Variants in YKT6 observed in about 807,000 individuals in gnomAD.
The protein encoded by YKT6 is YKT6 vesicular SNARE protein.
A neutral mutation model predicts 29.3 loss-of-function variants in YKT6; 12 were observed. That is an observed-to-expected ratio of 0.41 (90% CI 0.26 to 0.66). YKT6 has a LOEUF of 0.66. Among genes scored for constraint, YKT6 ranks in the 30% least tolerant of loss-of-function variants. YKT6 has a pLI of 0.32. For missense variants in YKT6, 188 were observed against 243.8 expected, an observed-to-expected ratio of 0.77 and a Z score of 1.52; for synonymous variants, 86 against 94.3, an observed-to-expected ratio of 0.91 and a Z score of 0.51.
chr7:44,211,549 G>A, intron 6 of YKT6: 1 of 1,012,634 alleles, frequency 9.9e-7, no homozygotes, highest in South Asian at 4.1e-5. Context: ...ATTTCCCTTT[G>A]ACAGAAAATA....
chr7:44,209,128 T>C lies in YKT6; in HGVS notation c.459+930T>C, dbSNP rs898646360. Among the ~76,000 whole-genome samples, 120 of 152,350 alleles carry C rather than the reference T, an allele frequency of 7.9e-4. 1 individual carries two copies. Among genetic ancestry groups the C allele is most frequent in the African/African-American group, 2.6e-3 (109 of 41,570 alleles). On this transcript the variant is annotated intron_variant, in intron 5 of 6. Coordinates refer to ENST00000223369, the MANE Select transcript of YKT6 (RefSeq NM_006555.4). ...ATCCTGCTCATGATACAGTGCCTAG[T>C]TTATACCATGCTCAGCAGTTGATAG...
intron 2 of YKT6, among the ~76,000 whole-genome samples, chr7:44,205,814 G>A (rs1291962408): frequency 6.6e-6 from 1 of 152,192 alleles, no homozygotes; most frequent in African/African-American, 2.4e-5. Flanking sequence ...GGCCTTAGCT[G>A]GCAGTAGCTA....
At chr7:44,205,377 A>C (rs1157794707) in intron 2 of YKT6, among the ~76,000 whole-genome samples, 1 of 152,246 alleles carries the variant, frequency 6.6e-6, no homozygotes, top group Non-Finnish European at 1.5e-5. Flanking sequence ...TCCACTGACC[A>C]GGTTCTCAGT....
In YKT6 at chr7:44,211,592, C is replaced by T. The variant is rs903076448; in HGVS notation, c.561+468C>T. ...GACAAGGATGGGTGCTGCTGACTGC[C>T]GCTTTCTCTCAGGTCAGTGCTCATG... On this transcript the variant is annotated intron_variant, in intron 6 of 6. Coordinates refer to ENST00000223369, the MANE Select transcript of YKT6 (RefSeq NM_006555.4). The T allele has an allele frequency of 1.2e-5, 12 of 1,007,948 alleles. No individual in the cohort carries two copies. The Admixed American group carries it at 1.6e-4, about 13-fold the overall frequency. 62.4% of individuals were successfully genotyped at this position (1,007,948 alleles called of 1,614,324 possible).
intron 1 of YKT6, among the ~76,000 whole-genome samples, chr7:44,201,725 G>GT (rs1400609615): frequency 6.6e-6 from 1 of 152,166 alleles, no homozygotes; most frequent in Non-Finnish European, 1.5e-5. Context: ...GGGAGCTTGG[G>GT]TGCCGCATCT....
intron 1 of YKT6, 30 bp downstream of exon 1, chr7:44,201,269 G>A (rs756611101): frequency 2.5e-6 from 4 of 1,598,422 alleles, no homozygotes; most frequent in Admixed American, 1.7e-5. Flanking sequence ...GGGCCGTGGC[G>A]GTCGGGCGGA....
intron 2 of YKT6, among the ~76,000 whole-genome samples, chr7:44,205,511 A>G (rs1271869781): frequency 6.6e-6 from 1 of 152,042 alleles, no homozygotes; most frequent in Non-Finnish European, 1.5e-5. Flanking sequence ...GTTCTCATTT[A>G]TCTCTGCTCT....
At chr7:44,207,926 G>A (rs976904190) in intron 4 of YKT6, among the ~76,000 whole-genome samples, 5 of 152,126 alleles carry the variant, frequency 3.3e-5, no homozygotes, top group Admixed American at 2.0e-4. Flanking sequence ...GTTTCACCAT[G>A]TTGGTCAGGC....
At chr7:44,204,728 CT>C in intron 2 of YKT6, 78 bp downstream of exon 2, 1 of 1,397,748 alleles carries the variant, frequency 7.2e-7, no homozygotes, top group Non-Finnish European at 1.0e-6. Flanking sequence ...CAGCTTTCTC[CT>C]TTCTACTGGG....
chr7:44,209,366 A>C (rs1211437164), intron 5 of YKT6, among the ~76,000 whole-genome samples: 1 of 152,216 alleles, frequency 6.6e-6, no homozygotes, highest in Non-Finnish European at 1.5e-5. Flanking sequence ...GATAGATGTG[A>C]AAGTCTCATG....
intron 1 of YKT6, among the ~76,000 whole-genome samples, chr7:44,202,250 CTTCT>C (rs1257988979): frequency 3.3e-5 from 5 of 151,960 alleles, no homozygotes; most frequent in African/African-American, 4.8e-5. Context: ...AAACTTTCTG[CTTCT>C]TTGAGTTCTT....
At chr7:44,209,621 T>G (rs1044634375) in intron 5 of YKT6, among the ~76,000 whole-genome samples, 3 of 152,222 alleles carry the variant, frequency 2.0e-5, no homozygotes, top group Non-Finnish European at 2.9e-5. Flanking sequence ...TAACTTTCTG[T>G]GTTAAAAATT....
In YKT6 at chr7:44,212,319, A is replaced by G; in HGVS notation, c.*37A>G. ...AGAGGCCCAATGCTGGAATGGCACC[A>G]TCATTCACATCAGAACTGCAGCCCC... On this transcript the variant is annotated 3_prime_UTR_variant, in exon 7 of 7. Transcript: ENST00000223369. The G allele has an allele frequency of 1.2e-6, 2 of 1,611,940 alleles. No individual in the cohort carries two copies. The highest frequency in any genetic ancestry group is 4.5e-5 in the East Asian group (2 of 44,844).
chr7:44,211,525 T>C (rs556454278), intron 6 of YKT6: 1 of 1,011,786 alleles, frequency 9.9e-7, no homozygotes, highest in African/African-American at 1.7e-5. Flanking sequence ...CCTGAAGAGG[T>C]TCTTAAGCTT....
chr7:44,212,228 C>A lies in YKT6; in HGVS notation c.562-19C>A. ...CTTCGTCAGTCCTCCTTCTCAGCTC[C>A]TCTTTGTTTTTTTCCAAGGCCCGGA... On this transcript the variant is annotated intron_variant, in intron 6 of 6. Transcript: ENST00000223369. The A allele has an allele frequency of 6.2e-7, 1 of 1,614,076 alleles. No homozygotes were observed. Among genetic ancestry groups the A allele is most frequent in the South Asian group, 1.1e-5 (1 of 91,082 alleles).
chr7:44,203,023 A>G (rs2096337435), intron 1 of YKT6, among the ~76,000 whole-genome samples: 1 of 152,192 alleles, frequency 6.6e-6, no homozygotes, highest in African/African-American at 2.4e-5. Flanking sequence ...TCCAATGACT[A>G]ACAGCTGCAA....
chr7:44,212,307 T>A lies in YKT6; in HGVS notation c.*25T>A. On this transcript the variant is annotated 3_prime_UTR_variant, in exon 7 of 7. Transcript: ENST00000223369. ...ATGCAGCCTGCCAGAGGCCCAATGCTGGAATGGCACCATCATTCACATCAG... is the reference window on the plus strand; with the variant it reads ...ATGCAGCCTGCCAGAGGCCCAATGCAGGAATGGCACCATCATTCACATCAG... 1.2e-6 allele frequency: 2 copies of A among 1,612,944 alleles called. No homozygotes were observed. Among genetic ancestry groups the A allele is most frequent in the Non-Finnish European group, 1.7e-6 (2 of 1,179,390 alleles).
intron 2 of YKT6, among the ~76,000 whole-genome samples, chr7:44,205,001 A>C (rs937117554): frequency 6.6e-6 from 1 of 152,224 alleles, no homozygotes; most frequent in Non-Finnish European, 1.5e-5. Flanking sequence ...TATTCTGTGC[A>C]TCGTAGATTT....
chr7:44,201,026 G>C lies in YKT6; in HGVS notation c.-110G>C. 8 of 775,706 alleles carry C rather than the reference G, an allele frequency of 1.0e-5. No individual in the cohort carries two copies. Among genetic ancestry groups the C allele is most frequent in the Non-Finnish European group, 1.3e-5 (7 of 527,562 alleles). 48.1% of individuals were successfully genotyped at this position (775,706 alleles called of 1,614,324 possible). On this transcript the variant is annotated 5_prime_UTR_variant, in exon 1 of 7. Coordinates refer to ENST00000223369, the MANE Select transcript of YKT6 (RefSeq NM_006555.4). Reference sequence around the variant, plus strand: ...GCCGGCGGTGGCCCCGTCAGCAGCCGGCTGCTGAGAGGCCGGTAGGCGGCG... The same window carrying C: ...GCCGGCGGTGGCCCCGTCAGCAGCCCGCTGCTGAGAGGCCGGTAGGCGGCG...
Sources: gnomAD v4.1 joint callset for allele counts (sites outside exome capture counted in the v4.1 genomes callset) on GRCh38, gnomAD v4.1.1 for gene constraint, MANE v1.5 for transcripts, NCBI Gene and HGNC (gene_info 2026-07-23, HGNC 2026-07-21) for gene names.